CCDC50: variants seen among roughly 807,000 people sequenced by gnomAD.
The protein encoded by CCDC50 is coiled-coil domain-containing protein 50.
A neutral mutation model predicts 70.2 loss-of-function variants in CCDC50; 54 were observed. The observed-to-expected ratio is 0.77, with a 90% confidence interval of 0.62 to 0.96. The LOEUF is 0.96. Ranked by LOEUF, CCDC50 falls within the 50% of genes least tolerant of loss-of-function variation. The pLI, the probability that CCDC50 is intolerant of heterozygous loss-of-function variation, is 0.00. For synonymous variants in CCDC50, 216 were observed against 198.8 expected (o/e 1.09, Z -0.73); for missense variants, 558 against 578.7 (o/e 0.96, Z 0.37).
At chr3:191,361,217 C>A in intron 4 of CCDC50, 58 bp downstream of exon 4, 2 of 1,268,160 alleles carry the variant, frequency 1.6e-6, no homozygotes, top group Non-Finnish European at 2.3e-6. Context: ...AGCTTTAGAG[C>A]AAAAACTTTC....
chr3:191,343,195 A>C (rs764569126), intron 1 of CCDC50, among the ~76,000 whole-genome samples: 5 of 152,338 alleles, frequency 3.3e-5, no homozygotes, highest in Non-Finnish European at 5.9e-5. Flanking sequence ...AGTCCCCCTC[A>C]CGTATACCCA....
At chr3:191,367,978 A>C (rs980643529) in intron 4 of CCDC50, among the ~76,000 whole-genome samples, 2 of 151,928 alleles carry the variant, frequency 1.3e-5, no homozygotes, top group African/African-American at 4.8e-5. Context: ...AAAGCTAAAG[A>C]ATCTGGCACA....
At chr3:191,390,879 T>A (rs976984893) in intron 11 of CCDC50, among the ~76,000 whole-genome samples, 1 of 152,068 alleles carries the variant, frequency 6.6e-6, no homozygotes, top group Non-Finnish European at 1.5e-5. Context: ...AAAGATGGAG[T>A]CTCTCTGGTT....
intron 5 of CCDC50, among the ~76,000 whole-genome samples, chr3:191,372,164 G>A (rs1243984278): frequency 1.3e-5 from 2 of 151,984 alleles, no homozygotes; most frequent in Non-Finnish European, 2.9e-5. Flanking sequence ...GAATTAAGTG[G>A]TTTTTCAGGG....
chr3:191,387,813 A>G (rs1713550335), intron 10 of CCDC50, among the ~76,000 whole-genome samples: 1 of 152,166 alleles, frequency 6.6e-6, no homozygotes, highest in Non-Finnish European at 1.5e-5. Flanking sequence ...GTTCCACTCA[A>G]CGTCTGTCTT....
At chr3:191,360,026 A>G (rs1393416249) in intron 3 of CCDC50, among the ~76,000 whole-genome samples, 1 of 152,236 alleles carries the variant, frequency 6.6e-6, no homozygotes. Flanking sequence ...CCTGGATGAA[A>G]TAAGTAAGCT....
intron 5 of CCDC50, among the ~76,000 whole-genome samples, chr3:191,372,776 C>T (rs1377892988): frequency 6.6e-6 from 1 of 152,022 alleles, no homozygotes; most frequent in Non-Finnish European, 1.5e-5. Flanking sequence ...TTCAAAGCCA[C>T]TTATTGAAGT....
intron 5 of CCDC50, among the ~76,000 whole-genome samples, chr3:191,374,417 A>G (rs1052934476): frequency 6.6e-6 from 1 of 152,162 alleles, no homozygotes; most frequent in African/African-American, 2.4e-5. Flanking sequence ...AATTATCTAC[A>G]GATAACAGGG....
intron 6 of CCDC50, 113 bp downstream of exon 6, chr3:191,375,702 C>A: frequency 8.9e-7 from 1 of 1,123,120 alleles, no homozygotes; most frequent in Non-Finnish European, 1.3e-6. Context: ...ATGCTCATGA[C>A]TTTGAAATAA....
At chr3:191,338,150 C>T (rs183511653) in intron 1 of CCDC50, among the ~76,000 whole-genome samples, 2 of 152,306 alleles carry the variant, frequency 1.3e-5, no homozygotes, top group East Asian at 1.9e-4. Flanking sequence ...ATCTTTCCCT[C>T]TTCACCGCTT....
intron 1 of CCDC50, among the ~76,000 whole-genome samples, chr3:191,340,979 G>A (rs1053159432): frequency 4.0e-5 from 6 of 150,452 alleles, no homozygotes; most frequent in Admixed American, 4.0e-4. Flanking sequence ...AGGACTACAG[G>A]CCCAGCTAAT....
intron 1 of CCDC50, among the ~76,000 whole-genome samples, chr3:191,353,836 A>G (rs1712182841): frequency 1.0e-5 from 1 of 98,460 alleles, no homozygotes; most frequent in African/African-American, 3.1e-5. Context: ...GTATGTGTTC[A>G]TGTACTTCCT....
chr3:191,354,101 C>T (rs951301542), intron 1 of CCDC50, among the ~76,000 whole-genome samples: 1 of 152,094 alleles, frequency 6.6e-6, no homozygotes, highest in Non-Finnish European at 1.5e-5. Context: ...CTGTTGACAA[C>T]ATGAAATAAG....
rs1192070269 is a variant in CCDC50, at chr3:191,389,573, A to G, written c.1400A>G (p.His467Arg). The part of the protein sequence containing the change: ...HFTNQQSSTR[H>R]FSKSESSHKG... ...ACAAACCAGCAGAGTTCCACACGGCATTTCTCAAAATCAGAGTCCTCTCAT... is the reference window on the plus strand; with the variant it reads ...ACAAACCAGCAGAGTTCCACACGGCGTTTCTCAAAATCAGAGTCCTCTCAT... The change falls in exon 11 of 12, where the codon CAT (histidine) becomes CGT (arginine). Residue 467 changes from histidine to arginine, a missense_variant. Coordinates refer to ENST00000392455, the MANE Select transcript of CCDC50 (RefSeq NM_178335.3). 6.2e-7 allele frequency: 1 copy of G among 1,613,998 alleles called. No individual in the cohort carries two copies. Among genetic ancestry groups the G allele is most frequent in the Non-Finnish European group, 8.5e-7 (1 of 1,179,868 alleles).
At chr3:191,345,161 G>C (rs529179736) in intron 1 of CCDC50, among the ~76,000 whole-genome samples, 1 of 152,302 alleles carries the variant, frequency 6.6e-6, no homozygotes, top group African/African-American at 2.4e-5. Flanking sequence ...ACCTGCATCA[G>C]CATCTTCTAA....
chr3:191,383,786 T>G (rs1443571019), intron 10 of CCDC50, among the ~76,000 whole-genome samples: 1 of 152,182 alleles, frequency 6.6e-6, no homozygotes, highest in African/African-American at 2.4e-5. Flanking sequence ...TAGTGGCATA[T>G]TCTGTCTAGT....
chr3:191,366,988 A>G (rs1712716028), intron 4 of CCDC50, among the ~76,000 whole-genome samples: 1 of 152,110 alleles, frequency 6.6e-6, no homozygotes, highest in Non-Finnish European at 1.5e-5. Context: ...AACTCATTGC[A>G]TAGTAATGTT....
intron 7 of CCDC50, among the ~76,000 whole-genome samples, chr3:191,380,477 C>G (rs1713279584): frequency 6.6e-6 from 1 of 151,954 alleles, no homozygotes; most frequent in South Asian, 2.1e-4. Flanking sequence ...CTCCATTTCT[C>G]CATCTCCATG....
intron 6 of CCDC50, among the ~76,000 whole-genome samples, chr3:191,379,310 C>A (rs1005609221): frequency 2.0e-5 from 3 of 152,032 alleles, no homozygotes; most frequent in African/African-American, 7.2e-5. Context: ...GATTGACAAC[C>A]CCTGGCATAA....
Sources: allele counts gnomAD v4.1 joint callset (sites outside exome capture counted in the v4.1 genomes callset), GRCh38; gene constraint gnomAD v4.1.1; transcripts MANE v1.5; gene names NCBI Gene and HGNC (gene_info 2026-07-23, HGNC 2026-07-21).